Variants in HPRT1 observed in about 807,000 individuals in gnomAD.
HPRT1 encodes the protein hypoxanthine-guanine phosphoribosyltransferase.
Under a neutral mutation model 19.0 loss-of-function variants are expected in HPRT1, and 4 were observed. That is an observed-to-expected ratio of 0.21 (90% CI 0.10 to 0.48). The LOEUF is 0.48. HPRT1 is among the 20% of genes least tolerant of loss of function. The pLI is 0.98. For missense variants in HPRT1, 65 were observed against 164.0 expected, an observed-to-expected ratio of 0.40 and a Z score of 3.30; for synonymous variants, 53 against 54.9, an observed-to-expected ratio of 0.97 and a Z score of 0.15.
chrX:134,489,731 C>G (rs1283201487), intron 4 of HPRT1, among the ~76,000 whole-genome samples: 2 of 111,635 alleles, frequency 1.8e-5, no homozygotes, highest in East Asian at 5.6e-4. Context: ...AAATGCAGAT[C>G]AAGTTTAGCC....
At chrX:134,468,120 T>A (rs2077601702) in intron 1 of HPRT1, among the ~76,000 whole-genome samples, 1 of 110,481 alleles carries the variant, frequency 9.1e-6, no homozygotes, top group Non-Finnish European at 1.9e-5. Flanking sequence ...CCGTCTTTTT[T>A]TTTAAATAGC....
chrX:134,465,879 A>G (rs990312912), intron 1 of HPRT1, among the ~76,000 whole-genome samples: 1 of 111,562 alleles, frequency 9.0e-6, no homozygotes, highest in Non-Finnish European at 1.9e-5. Context: ...GCTCTCAGAT[A>G]TTTTGGGGTT....
intron 6 of HPRT1, 85 bp downstream of exon 6, chrX:134,493,675 A>G: frequency 1.6e-6 from 1 of 628,010 alleles, no homozygotes; most frequent in Admixed American, 2.2e-5. Context: ...AAATGTTTTC[A>G]ACTGTCATTT....
At chrX:134,481,533 A>G (rs1484420787) in intron 3 of HPRT1, among the ~76,000 whole-genome samples, 1 of 109,082 alleles carries the variant, frequency 9.2e-6, no homozygotes, top group Non-Finnish European at 1.9e-5. Flanking sequence ...CTATCTATCT[A>G]TCTATCTATC....
At chrX:134,464,250 G>T (rs1457060038) in intron 1 of HPRT1, among the ~76,000 whole-genome samples, 1 of 112,018 alleles carries the variant, frequency 8.9e-6, no homozygotes, top group East Asian at 2.8e-4. Context: ...TAGTTTATTT[G>T]TAAGACTGAT....
chrX:134,460,813 T>G (rs936949544), intron 1 of HPRT1, among the ~76,000 whole-genome samples: 7 of 110,247 alleles, frequency 6.3e-5, no homozygotes, highest in Non-Finnish European at 1.3e-4. Context: ...GGGACCAGGT[T>G]TTGCCTTTAG....
At chrX:134,493,913 A>C (rs1363337586) in intron 6 of HPRT1, among the ~76,000 whole-genome samples, 2 of 111,652 alleles carry the variant, frequency 1.8e-5, no homozygotes, top group Non-Finnish European at 3.8e-5. Flanking sequence ...TGAGGAAGTG[A>C]TAGGAAGGGG....
chrX:134,470,028 T>C (rs901099312), intron 1 of HPRT1, among the ~76,000 whole-genome samples: 4 of 112,949 alleles, frequency 3.5e-5, no homozygotes, highest in African/African-American at 1.3e-4. Context: ...TGTTCTGATA[T>C]GTGAAGGTTT....
chrX:134,468,471 A>AC (rs1569353962), intron 1 of HPRT1, among the ~76,000 whole-genome samples: 1 of 109,842 alleles, frequency 9.1e-6, no homozygotes, highest in Non-Finnish European at 1.9e-5. Flanking sequence ...AAAAGAATTA[A>AC]CCAAGTGTGG....
At chrX:134,493,719 C>T (rs2077673640) in intron 6 of HPRT1, 129 bp downstream of exon 6, 1 of 513,456 alleles carries the variant, frequency 1.9e-6, no homozygotes, top group Non-Finnish European at 3.5e-6. Context: ...TCATATAAGA[C>T]TTAAGATATA....
chrX:134,490,618 A>G (rs112376384), intron 5 of HPRT1, among the ~76,000 whole-genome samples: 111 of 107,985 alleles, frequency 1.0e-3, no homozygotes, highest in African/African-American at 3.6e-3. Context: ...AGTATTTTGT[A>G]TCTTAGCACC....
At chrX:134,482,660 G>A (rs73557322) in intron 3 of HPRT1, among the ~76,000 whole-genome samples, 1,602 of 110,736 alleles carry the variant, frequency 0.014, 31 homozygotes, top group African/African-American at 0.05. Flanking sequence ...CATCAGTGTC[G>A]TTTTTTAACT....
chrX:134,494,634 T>C (rs946129381), intron 6 of HPRT1, among the ~76,000 whole-genome samples: 21 of 112,118 alleles, frequency 1.9e-4, no homozygotes, highest in African/African-American at 6.8e-4. Context: ...CTAACTAGTA[T>C]CCTATGAAAT....
At chrX:134,471,082 A>G (rs2077609377) in intron 1 of HPRT1, among the ~76,000 whole-genome samples, 1 of 97,707 alleles carries the variant, frequency 1.0e-5, no homozygotes, top group African/African-American at 3.8e-5. Flanking sequence ...TTGTTTGTAT[A>G]TTTTGCTTTA....
intron 3 of HPRT1, among the ~76,000 whole-genome samples, chrX:134,484,648 G>A (rs1018376320): frequency 8.9e-6 from 1 of 112,155 alleles, no homozygotes; most frequent in African/African-American, 3.2e-5. Context: ...TGGTGTCATA[G>A]GCAACACAGT....
intron 2 of HPRT1, among the ~76,000 whole-genome samples, chrX:134,474,785 A>G (rs59854270): frequency 0.013 from 1,403 of 111,873 alleles, 24 homozygotes; most frequent in African/African-American, 0.043. Flanking sequence ...AAAAAAAATT[A>G]TGATAGTGGT....
chrX:134,462,999 T>C (rs952815250), intron 1 of HPRT1, among the ~76,000 whole-genome samples: 9 of 112,250 alleles, frequency 8.0e-5, no homozygotes, highest in African/African-American at 2.9e-4. Flanking sequence ...GTAGTGACAA[T>C]AGTAGGTATT....
intron 8 of HPRT1, 56 bp downstream of exon 8, chrX:134,498,740 G>A: frequency 3.8e-6 from 3 of 799,417 alleles, no homozygotes; most frequent in Non-Finnish European, 5.7e-6. Flanking sequence ...AAAAATTTAG[G>A]AAAGAGAATT....
At chrX:134,479,991 T>C (rs1261217708) in intron 3 of HPRT1, among the ~76,000 whole-genome samples, 2 of 111,168 alleles carry the variant, frequency 1.8e-5, no homozygotes, top group Non-Finnish European at 3.8e-5. Flanking sequence ...GAAAAGTTGA[T>C]ACACAAGTAA....
Sources: allele counts gnomAD v4.1 joint callset (sites outside exome capture counted in the v4.1 genomes callset), GRCh38; gene constraint gnomAD v4.1.1; transcripts MANE v1.5; gene names NCBI Gene and HGNC (gene_info 2026-07-23, HGNC 2026-07-21).